The following SLC1A2 variants were observed in gnomAD, a reference collection of about 807,000 sequenced individuals.
SLC1A2 encodes solute carrier family 1 member 2.
A neutral mutation model predicts 48.8 loss-of-function variants in SLC1A2; 15 were observed. That is an observed-to-expected ratio of 0.31 (90% CI 0.21 to 0.47). The LOEUF (loss-of-function observed/expected upper bound fraction) is 0.47, where lower values mean the gene tolerates loss of function less well. SLC1A2 is among the 20% of genes least tolerant of loss of function. The pLI is 0.99. For missense variants in SLC1A2, 502 were observed against 730.5 expected (o/e 0.69, Z 3.61); for synonymous variants, 279 against 272.6 (o/e 1.02, Z -0.23).
intron 1 of SLC1A2, among the ~76,000 whole-genome samples, chr11:35,415,571 T>C (rs372170160): frequency 6.6e-6 from 1 of 152,242 alleles, no homozygotes; most frequent in Admixed American, 6.5e-5. Flanking sequence ...AGGGTCTTCC[T>C]CCTGCTGACC....
At chr11:35,385,572 G>T (rs1854562301) in intron 1 of SLC1A2, among the ~76,000 whole-genome samples, 1 of 152,176 alleles carries the variant, frequency 6.6e-6, no homozygotes, top group Non-Finnish European at 1.5e-5. Context: ...TTTGGGACCT[G>T]TAAGTTATCT....
At position 35,265,585 on chromosome 11, in the gene SLC1A2, C is replaced by T. The variant is rs1380160869; in HGVS notation, c.1595G>A (p.Ser532Asn). The T allele has an allele frequency of 6.8e-6, 11 of 1,612,670 alleles. No homozygotes were observed. Among genetic ancestry groups the T allele is most frequent in the Non-Finnish European group, 8.5e-6 (10 of 1,178,718 alleles). The part of the protein sequence containing the change: ...IYDDMKNHRE[S>N]NSNQCVYAAH... ...AGCATAGACACATTGATTAGAGTTG[C>T]TTTCCCTGTGGTTCTTCATGTCATC... is the stretch of plus-strand genomic sequence containing the variant. Residue 532 changes from serine to asparagine, a missense_variant, in exon 10 of 11, where the codon AGC becomes AAC. Physicochemically the swap from Ser to Asn is conservative, Grantham distance 46. This residue lies in a region of SLC1A2 where 102 missense variants were observed against 107.2 expected (regional missense o/e 0.95). Transcript: ENST00000278379.
chr11:35,374,412 G>T (rs2135177785), intron 1 of SLC1A2: 1 of 507,784 alleles, frequency 2.0e-6, no homozygotes, highest in Non-Finnish European at 3.7e-6. Flanking sequence ...CACCTGTCTG[G>T]AGCAAAGAAA....
intron 1 of SLC1A2, among the ~76,000 whole-genome samples, chr11:35,328,316 T>A (rs1852314221): frequency 6.6e-6 from 1 of 152,230 alleles, no homozygotes; most frequent in South Asian, 2.1e-4. Context: ...GGGACCCTAA[T>A]GTCTGGTAAC....
chr11:35,365,799 T>C (rs1853825532), intron 1 of SLC1A2, among the ~76,000 whole-genome samples: 1 of 152,204 alleles, frequency 6.6e-6, no homozygotes, highest in Non-Finnish European at 1.5e-5. Context: ...CACAATTTAT[T>C]TCAGTTCCTT....
chr11:35,320,306 G>T (rs1852015068), intron 1 of SLC1A2, among the ~76,000 whole-genome samples: 1 of 152,082 alleles, frequency 6.6e-6, no homozygotes, highest in Admixed American at 6.6e-5. Context: ...CTCAGTAATG[G>T]GTATGGTACA....
intron 4 of SLC1A2, 173 bp downstream of exon 4, chr11:35,312,025 C>T (rs1172949512): frequency 1.8e-6 from 1 of 566,818 alleles, no homozygotes; most frequent in Non-Finnish European, 3.0e-6. Flanking sequence ...AACCAGGAGA[C>T]TCCAATCCCA....
At chr11:35,376,537 T>C (rs1156863521) in intron 1 of SLC1A2, among the ~76,000 whole-genome samples, 1 of 152,170 alleles carries the variant, frequency 6.6e-6, no homozygotes. Flanking sequence ...TTTTTAAAAA[T>C]TTTCAAAAGA....
intron 1 of SLC1A2, 33 bp from the exon 2 acceptor site, chr11:35,317,549 A>C: frequency 6.2e-7 from 1 of 1,603,410 alleles, no homozygotes; most frequent in Non-Finnish European, 8.5e-7. Context: ...GATTAGAGAG[A>C]CTGGCACCTC....
intron 4 of SLC1A2, chr11:35,306,892 A>G (rs537575183): frequency 2.2e-4 from 33 of 152,372 alleles, no homozygotes; most frequent in African/African-American, 7.2e-4. Context: ...TATGAAAATA[A>G]TTTGCAAATG....
rs1439411880 is a variant in SLC1A2, at chr11:35,255,639, T to G, written c.*5255A>C. On this transcript the variant is annotated 3_prime_UTR_variant, in exon 11 of 11. Transcript: ENST00000278379. ...AATTGTTGGAGAAAATTGTGTGTTT[T>G]GGGTATTCAGAGAGGGCTCTGTTGC... 6.6e-6 allele frequency: 1 copy of G among 152,210 alleles called. No individual in the cohort carries two copies. Among genetic ancestry groups the G allele is most frequent in the Admixed American group, 6.5e-5 (1 of 15,282 alleles). The allele number at this position is 152,210 out of a possible 1,614,324, so 9.4% of individuals were successfully genotyped here.
intron 1 of SLC1A2, among the ~76,000 whole-genome samples, chr11:35,377,031 G>T (rs1854259839): frequency 6.6e-6 from 1 of 152,196 alleles, no homozygotes; most frequent in South Asian, 2.1e-4. Context: ...AGATCAGAAT[G>T]GCTGACAGGC....
At chr11:35,322,629 G>T in intron 1 of SLC1A2, 1 of 1,535,118 alleles carries the variant, frequency 6.5e-7, no homozygotes. Flanking sequence ...GAGAGGTACT[G>T]GGGAGATAAA....
In SLC1A2 at chr11:35,287,353, G is replaced by C. The variant is rs368037596; in HGVS notation, c.1092-402C>G. Among the ~76,000 whole-genome samples the C allele has an allele frequency of 2.6e-5, 4 of 151,944 alleles. No homozygotes were observed. The South Asian group carries it at 6.2e-4, about 24-fold the overall frequency. ...AGCTATCAACAGCAAAATGGGATGAGGAATTTTTGAATAACCCATAATTTC... is the reference window on the plus strand; with the variant it reads ...AGCTATCAACAGCAAAATGGGATGACGAATTTTTGAATAACCCATAATTTC... On this transcript the variant is annotated intron_variant, in intron 7 of 10. Coordinates refer to ENST00000278379, the MANE Select transcript of SLC1A2 (RefSeq NM_004171.4).
At chr11:35,351,281 T>C (rs1565267132) in intron 1 of SLC1A2, among the ~76,000 whole-genome samples, 1 of 152,236 alleles carries the variant, frequency 6.6e-6, no homozygotes, top group Non-Finnish European at 1.5e-5. Context: ...CTCTTCTCTC[T>C]GCATAATGCT....
At chr11:35,292,560 A>C in intron 6 of SLC1A2, 40 bp from the exon 7 acceptor site, 9 of 1,343,114 alleles carry the variant, frequency 6.7e-6, no homozygotes, top group Non-Finnish European at 9.5e-6. Flanking sequence ...TGAAGAGATC[A>C]TTAGGGATTC....
At chr11:35,272,577 T>C (rs991191511) in intron 9 of SLC1A2, among the ~76,000 whole-genome samples, 2 of 152,226 alleles carry the variant, frequency 1.3e-5, no homozygotes, top group Non-Finnish European at 2.9e-5. Flanking sequence ...AGGCAGGACA[T>C]GGGAGTTTGT....
chr11:35,368,023 C>A (rs557187740), intron 1 of SLC1A2, among the ~76,000 whole-genome samples: 1 of 152,126 alleles, frequency 6.6e-6, no homozygotes, highest in Admixed American at 6.5e-5. Context: ...AAGTATTAGA[C>A]GGTGTTGAAG....
chr11:35,321,242 A>G (rs143779974), intron 1 of SLC1A2, among the ~76,000 whole-genome samples: 1,997 of 152,150 alleles, frequency 0.013, 56 homozygotes, highest in African/African-American at 0.046. Context: ...TCCACAACAC[A>G]TGGGGATTAT....
Sources: gnomAD v4.1 joint callset for allele counts (sites outside exome capture counted in the v4.1 genomes callset) on GRCh38, gnomAD v4.1.1 for gene constraint, gnomAD v4.1.1 regional missense constraint, MANE v1.5 for transcripts, NCBI Gene and HGNC (gene_info 2026-07-23, HGNC 2026-07-21) for gene names.